The following TBXAS1 variants were observed in gnomAD, a reference collection of about 807,000 sequenced individuals.
TBXAS1 encodes the protein thromboxane-A synthase.
TBXAS1 carries 48 observed loss-of-function variants against 60.7 expected under a neutral mutation model. The ratio of observed to expected loss-of-function variants is 0.79; its 90% CI spans 0.63 to 1.01. The LOEUF is 1.01. TBXAS1 is among the 50% of genes least tolerant of loss of function. TBXAS1 has a pLI of 0.00. For synonymous variants in TBXAS1, 287 were observed against 269.7 expected (o/e 1.06, Z -0.63); for missense variants, 685 against 686.3 (o/e 1.00, Z 0.02).
chr7:139,984,003 G>T (rs1314734053), intron 9 of TBXAS1, among the ~76,000 whole-genome samples: 3 of 152,170 alleles, frequency 2.0e-5, no homozygotes, highest in Non-Finnish European at 4.4e-5. Context: ...CATCTTGCAG[G>T]TACCACAATG....
chr7:139,875,323 T>C (rs1325387048), intron 2 of TBXAS1, among the ~76,000 whole-genome samples: 2 of 152,172 alleles, frequency 1.3e-5, no homozygotes, highest in Non-Finnish European at 2.9e-5. Context: ...GAAAGCAAAC[T>C]TTTTGAATAT....
chr7:139,889,811 A>C (rs1241342693), intron 3 of TBXAS1, among the ~76,000 whole-genome samples: 2 of 152,164 alleles, frequency 1.3e-5, no homozygotes, highest in African/African-American at 2.4e-5. Context: ...CCCACCTTCT[A>C]ATACTGTCAT....
At chr7:139,855,051 G>A (rs532722083) in intron 1 of TBXAS1, among the ~76,000 whole-genome samples, 1 of 152,114 alleles carries the variant, frequency 6.6e-6, no homozygotes, top group Non-Finnish European at 1.5e-5. Context: ...CGATGTGGTA[G>A]TGTTGAGAGG....
intron 1 of TBXAS1, among the ~76,000 whole-genome samples, chr7:139,869,738 G>C (rs78847658): frequency 0.046 from 7,076 of 152,194 alleles, 530 homozygotes; most frequent in African/African-American, 0.16. Context: ...CTATTTCCAA[G>C]TCACATTCTG....
At chr7:139,794,218 C>G (rs538220549) in intron 4 of TBXAS1, among the ~76,000 whole-genome samples, 1 of 152,136 alleles carries the variant, frequency 6.6e-6, no homozygotes, top group East Asian at 1.9e-4. Context: ...TCTCCTACCT[C>G]AGCTCCCAAG....
At chr7:139,957,520 AC>A (rs570651786) in intron 7 of TBXAS1, 113 bp from the exon 8 acceptor site, 224 of 1,407,112 alleles carry the variant, frequency 1.6e-4, no homozygotes, top group Non-Finnish European at 1.9e-4. Context: ...GGAGGGCAGG[AC>A]TCCAAAACGG....
chr7:139,985,942 T>C (rs979751954), intron 9 of TBXAS1, among the ~76,000 whole-genome samples: 4 of 152,254 alleles, frequency 2.6e-5, no homozygotes, highest in African/African-American at 9.6e-5. Flanking sequence ...CAGGAGCCTG[T>C]TCCCAACATG....
chr7:139,921,695 G>A (rs374003638), intron 4 of TBXAS1, among the ~76,000 whole-genome samples: 3 of 152,182 alleles, frequency 2.0e-5, no homozygotes, highest in Non-Finnish European at 2.9e-5. Flanking sequence ...GAGCAAGATC[G>A]TGAACATAGT....
intron 5 of TBXAS1, among the ~76,000 whole-genome samples, chr7:139,936,727 G>A (rs1019645056): frequency 2.0e-5 from 3 of 152,148 alleles, no homozygotes; most frequent in Non-Finnish European, 4.4e-5. Flanking sequence ...TATAACACCC[G>A]GCCAGGTAAT....
intron 9 of TBXAS1, among the ~76,000 whole-genome samples, chr7:139,993,892 C>CTTTTTTTTT (rs71170931): frequency 1.9e-4 from 21 of 111,708 alleles, no homozygotes; most frequent in African/African-American, 2.2e-4. Flanking sequence ...TTCTTTCTTT[C>CTTTTTTTTT]TTTTTTTTTT....
At chr7:139,860,151 A>C (rs1800862351) in intron 1 of TBXAS1, among the ~76,000 whole-genome samples, 1 of 152,080 alleles carries the variant, frequency 6.6e-6, no homozygotes, top group Non-Finnish European at 1.5e-5. Flanking sequence ...AACAACAACA[A>C]AACTAAAGAA....
chr7:139,938,631 A>G (rs1808005631), intron 5 of TBXAS1, among the ~76,000 whole-genome samples: 1 of 152,172 alleles, frequency 6.6e-6, no homozygotes, highest in African/African-American at 2.4e-5. Flanking sequence ...TCCAGCCACT[A>G]AAAGGTTGAG....
intron 3 of TBXAS1, among the ~76,000 whole-genome samples, chr7:139,878,870 T>G (rs772408761): frequency 1.3e-5 from 2 of 152,204 alleles, no homozygotes; most frequent in Non-Finnish European, 2.9e-5. Flanking sequence ...ATTTGACAAG[T>G]GAAATGCCAC....
intron 9 of TBXAS1, among the ~76,000 whole-genome samples, chr7:139,973,325 T>C (rs1811342217): frequency 6.6e-6 from 1 of 152,132 alleles, no homozygotes; most frequent in African/African-American, 2.4e-5. Flanking sequence ...ACCTACTAAA[T>C]CAGCAAATTA....
At chr7:139,808,235 G>A (rs1797927909) in intron 4 of TBXAS1, among the ~76,000 whole-genome samples, 1 of 152,062 alleles carries the variant, frequency 6.6e-6, no homozygotes, top group South Asian at 2.1e-4. Flanking sequence ...ATACTTGGGA[G>A]GCTGAGGTAG....
Position 139,808,603 on chromosome 7 carries a change from C to T in TBXAS1, c.-79-20709C>T, listed in dbSNP as rs935493052. On this transcript the variant is annotated intron_variant, in intron 4 of 16. Coordinates refer to the TBXAS1 transcript ENST00000336425. ...TGGTTTGAGCTAGCTCCAGCGTGCT[C>T]CTGGCTCCCCTTCCTAGAGATCCCT... Among the ~76,000 whole-genome samples, 5 of 152,310 alleles carry T rather than the reference C, an allele frequency of 3.3e-5. No homozygotes were observed. The South Asian group carries it at 6.2e-4, about 19-fold the overall frequency.
At chr7:139,957,829 T>C in intron 8 of TBXAS1, 65 bp downstream of exon 8, 1 of 1,608,194 alleles carries the variant, frequency 6.2e-7, no homozygotes, top group Non-Finnish European at 8.5e-7. Flanking sequence ...TCACTGTCTC[T>C]GCTCTTTCTC....
chr7:139,992,426 C>T (rs890757952), intron 9 of TBXAS1, among the ~76,000 whole-genome samples: 5 of 152,376 alleles, frequency 3.3e-5, no homozygotes, highest in Non-Finnish European at 7.3e-5. Context: ...GGGCCACTCT[C>T]TTGGGTCCAA....
chr7:139,876,529 T>TA (rs1486334287), intron 3 of TBXAS1, among the ~76,000 whole-genome samples: 2 of 152,196 alleles, frequency 1.3e-5, no homozygotes, highest in Non-Finnish European at 2.9e-5. Flanking sequence ...GTTGCCGACG[T>TA]ACATTCCAAT....
Sources: gnomAD v4.1 joint callset for allele counts (sites outside exome capture counted in the v4.1 genomes callset) on GRCh38, gnomAD v4.1.1 for gene constraint, MANE v1.5 for transcripts, NCBI Gene and HGNC (gene_info 2026-07-23, HGNC 2026-07-21) for gene names.